Variants in RIF1 observed in about 807,000 individuals in gnomAD.
RIF1 encodes the protein replication timing regulatory factor 1.
In RIF1, 45 loss-of-function variants were observed where a neutral mutation model predicts 247.1. That is an observed-to-expected ratio of 0.18 (90% CI 0.14 to 0.23). The LOEUF is 0.23. Ranked by LOEUF, RIF1 falls within the 10% of genes least tolerant of loss-of-function variation. The pLI, the probability that RIF1 is intolerant of heterozygous loss-of-function variation, is 1.00. For missense variants in RIF1, 2,967 were observed against 2,862.5 expected, an observed-to-expected ratio of 1.04 and a Z score of -0.83; for synonymous variants, 1,087 against 978.8, an observed-to-expected ratio of 1.11 and a Z score of -2.06.
rs537444931 is a variant in RIF1, at chr2:151,414,450, C to T, written c.184-373C>T. On this transcript the variant is annotated intron_variant, in intron 3 of 35. Coordinates refer to ENST00000444746, the MANE Select transcript of RIF1 (RefSeq NM_018151.5). ...CAGTCTTAGAGGAAGAGATGTCACT[C>T]CACTCTAAAGCTAGGATGTTAGCTT... Among the ~76,000 whole-genome samples the T allele has an allele frequency of 5.9e-5, 9 of 152,324 alleles. No homozygotes were observed. The South Asian group carries it at 1.9e-3, about 32-fold the overall frequency.
In RIF1 at chr2:151,479,263, G is replaced by A. The variant is rs2049069352; in HGVS notation, c.*4192G>A. ...AAGGCTTAAAGTTCAAAAATTATAA[G>A]AAAGTTAAGAATTTTGCTTAAGAGC... On this transcript the variant is annotated 3_prime_UTR_variant, in exon 36 of 36. Transcript: ENST00000444746. 2 of 152,254 alleles carry A rather than the reference G, an allele frequency of 1.3e-5. No homozygotes were observed. The highest frequency in any genetic ancestry group is 1.3e-4 in the Admixed American group (2 of 15,290). 9.4% of individuals were successfully genotyped at this position (152,254 alleles called of 1,614,324 possible). A position where few individuals can be genotyped will look rare whatever the true frequency, so the allele number is the denominator to read the frequency against.
chr2:151,410,094 C>T (rs1685878498), intron 1 of RIF1, 61 bp downstream of exon 1: 3 of 697,114 alleles, frequency 4.3e-6, no homozygotes, highest in Admixed American at 2.0e-5. Flanking sequence ...TGCCCACCCT[C>T]CGCCCCCTCG....
intron 13 of RIF1, among the ~76,000 whole-genome samples, chr2:151,507,303 C>G (rs974056250): frequency 1.2e-4 from 19 of 152,206 alleles, no homozygotes; most frequent in African/African-American, 4.6e-4. Context: ...AGTGATAGTT[C>G]ACATTCAGTA....
At chr2:151,441,867 T>C (rs756046759) in intron 15 of RIF1, 38 bp from the exon 16 acceptor site, 80 of 936,588 alleles carry the variant, frequency 8.5e-5, no homozygotes, top group Non-Finnish European at 1.2e-4. Context: ...ATAATATTTT[T>C]ACGGCTAATT....
chr2:151,514,311 G>A, the RIF1 span: 1 of 1,583,766 alleles, frequency 6.3e-7, no homozygotes, highest in Non-Finnish European at 8.7e-7. Flanking sequence ...GTCAGCTGTG[G>A]GCCTACCTCA....
chr2:151,418,612 C>A (rs556982445), intron 6 of RIF1, among the ~76,000 whole-genome samples: 1 of 151,854 alleles, frequency 6.6e-6, no homozygotes, highest in African/African-American at 2.4e-5. Flanking sequence ...CTTTGGCTCA[C>A]ACCTGTAATC....
chr2:151,516,905 G>T, the RIF1 span, among the ~76,000 whole-genome samples: 1 of 152,286 alleles, frequency 6.6e-6, no homozygotes, highest in Non-Finnish European at 1.5e-5. Flanking sequence ...TTGATGGGTA[G>T]CTGTAAACAC....
At chr2:151,492,403 TG>T in intron 9 of RIF1, 1 of 1,605,856 alleles carries the variant, frequency 6.2e-7, no homozygotes, top group Non-Finnish European at 8.5e-7. Flanking sequence ...GATGTGCCGT[TG>T]GGTCTCCCTC....
the RIF1 span, among the ~76,000 whole-genome samples, chr2:151,530,311 A>G: frequency 2.0e-5 from 3 of 152,178 alleles, no homozygotes; most frequent in African/African-American, 7.2e-5. Context: ...TGCAGGCCCA[A>G]CAGGCAGTTT....
rs963229132 is a variant in RIF1 at position 151,496,817 on chromosome 2, A to C, written c.*513+1491A>C. The C allele has an allele frequency of 2.7e-5, 33 of 1,203,784 alleles. No homozygotes were observed. The South Asian group carries it at 3.8e-4, about 14-fold the overall frequency. The allele number at this position is 1,203,784 out of a possible 1,614,324, so 74.6% of individuals were successfully genotyped here. The stretch of plus-strand genomic sequence containing the variant: ...AAGTAGCCCAAAGGAAAAAAGGATA[A>C]ATTTGCTAAAGAAAGAAGTTCACAA... On this transcript the variant is annotated intron_variant and NMD_transcript_variant, in intron 10 of 13. Coordinates refer to the RIF1 transcript ENST00000454583.
intron 9 of RIF1, chr2:151,491,651 T>C: frequency 6.1e-6 from 9 of 1,481,184 alleles, no homozygotes; most frequent in Non-Finnish European, 8.3e-6. Flanking sequence ...AATGGTGATG[T>C]TTATGTTGTA....
At position 151,465,333 on chromosome 2, in the gene RIF1, C is replaced by T; in HGVS notation, c.5813C>T (p.Ser1938Phe). ...HGQERTKTGI[S>F]EEAAIEENKR... is the part of the protein sequence containing the mutation. ...CAAGAGAGAACCAAAACTGGTATTT[C>T]TGAAGAAGCAGCAATAGAAGAAAAT... Residue 1938 changes from serine to phenylalanine, a missense_variant, in exon 30 of 36, where the codon TCT becomes TTT. Coordinates refer to ENST00000444746, the MANE Select transcript of RIF1 (RefSeq NM_018151.5). 6.2e-7 allele frequency: 1 copy of T among 1,613,918 alleles called. No individual in the cohort carries two copies. The highest frequency in any genetic ancestry group is 8.5e-7 in the Non-Finnish European group (1 of 1,179,988).
rs376984481 is a variant in RIF1, at chr2:151,489,985, G to C, written c.*416-5244G>C. ...TATTCACTTACTCCAGCAGTAGATG[G>C]ATGAGATGGGATGGAAGATACCGTT... On this transcript the variant is annotated intron_variant and NMD_transcript_variant, in intron 9 of 13. Transcript: ENST00000454583. The C allele has an allele frequency of 9.7e-5, 156 of 1,600,524 alleles. No homozygotes were observed. Among genetic ancestry groups the C allele is most frequent in the Non-Finnish European group, 1.3e-4 (156 of 1,167,706 alleles).
At chr2:151,487,741 T>A (rs1237686585) in intron 9 of RIF1, among the ~76,000 whole-genome samples, 1 of 152,048 alleles carries the variant, frequency 6.6e-6, no homozygotes. Context: ...GGCATGTGTG[T>A]TTAAACTTAT....
At chr2:151,452,730 C>T (rs1297304917) in intron 21 of RIF1, among the ~76,000 whole-genome samples, 1 of 152,146 alleles carries the variant, frequency 6.6e-6, no homozygotes, top group Non-Finnish European at 1.5e-5. Flanking sequence ...CATAAGTTTA[C>T]CAAGATTATA....
rs398124169 is a variant in RIF1, at chr2:151,494,231, C to T, written c.*416-998C>T. The T allele has an allele frequency of 1.9e-5, 31 of 1,601,898 alleles. No individual in the cohort carries two copies. The highest frequency in any genetic ancestry group is 2.1e-5 in the Non-Finnish European group (25 of 1,173,268). On this transcript the variant is annotated intron_variant and NMD_transcript_variant, in intron 9 of 13. Transcript: ENST00000454583. ...AGTGACAGGGGTTGCGGTGGCTTTC[C>T]CCACATTTTCTTTGTACAAAACCTA...
At chr2:151,498,161 C>T in intron 10 of RIF1, 1 of 1,538,674 alleles carries the variant, frequency 6.5e-7, no homozygotes, top group African/African-American at 1.4e-5. Flanking sequence ...GTATTAGAAG[C>T]AAAGAAGGGA....
At chr2:151,519,641 C>G in the RIF1 span, 1 of 1,566,916 alleles carries the variant, frequency 6.4e-7, no homozygotes, top group African/African-American at 1.4e-5. Flanking sequence ...TATTTTACCA[C>G]AATTTTAGAA....
chr2:151,499,074 AAGC>A (rs149800451), intron 10 of RIF1, among the ~76,000 whole-genome samples: 2,529 of 152,274 alleles, frequency 0.017, 20 homozygotes, highest in Middle Eastern at 0.044. Flanking sequence ...ACATTTGTAA[AAGC>A]AGGAATATAA....
Sources: gnomAD v4.1 joint callset for allele counts (sites outside exome capture counted in the v4.1 genomes callset) on GRCh38, gnomAD v4.1.1 for gene constraint, MANE v1.5 for transcripts, NCBI Gene and HGNC (gene_info 2026-07-23, HGNC 2026-07-21) for gene names.